The following CCDC124 variants were observed in gnomAD, a reference collection of about 807,000 sequenced individuals.
The protein encoded by CCDC124 is coiled-coil domain containing 124, also known as coiled-coil domain-containing protein 124.
Under a neutral mutation model 19.8 loss-of-function variants are expected in CCDC124, and 9 were observed. The ratio of observed to expected loss-of-function variants is 0.45; its 90% confidence interval spans 0.27 to 0.79. The LOEUF is 0.79. CCDC124 is among the 30% of genes least tolerant of loss of function. CCDC124 has a pLI of 0.14. For synonymous variants in CCDC124, 126 were observed against 131.3 expected (o/e 0.96, Z 0.27); for missense variants, 285 against 319.0 (o/e 0.89, Z 0.81).
At chr19:17,939,887 T>G (rs1020872153) in intron 2 of CCDC124, among the ~76,000 whole-genome samples, 1 of 148,466 alleles carries the variant, frequency 6.7e-6, no homozygotes, top group African/African-American at 2.5e-5. Context: ...CCTCCCAAAG[T>G]GCTGGGATTA....
rs1248535142 is a variant in CCDC124, at chr19:17,942,712, C to T, written c.216C>T (p.Arg72=). The T allele has an allele frequency of 2.6e-6, 4 of 1,553,708 alleles. No individual in the cohort carries two copies. Among genetic ancestry groups the T allele is most frequent in the South Asian group, 1.2e-5 (1 of 84,326 alleles). ...DQLERKKETQ[R]LLEEEDSKLK... Reference sequence around the variant, plus strand: ...TGGAACGTAAGAAGGAGACGCAGCGCCTACTGGAGGAGGAGGACTCCAAGC... The same window carrying T: ...TGGAACGTAAGAAGGAGACGCAGCGTCTACTGGAGGAGGAGGACTCCAAGC... The change falls in exon 3 of 5, where the codon CGC becomes CGT. Residue 72 remains arginine (R), a synonymous_variant. Transcript: ENST00000445755. This position sits in a 1 kb window ranked among gnomAD's most constrained non-coding sequence, Gnocchi z 4.2.
At chr19:17,940,559 G>A (rs571888019) in intron 2 of CCDC124, among the ~76,000 whole-genome samples, 22 of 152,160 alleles carry the variant, frequency 1.4e-4, no homozygotes, top group Non-Finnish European at 1.5e-4. Context: ...AAGGTCAGGC[G>A]TTCGAGACCA....
intron 3 of CCDC124, 25 bp from the exon 4 acceptor site, chr19:17,943,236 C>A: frequency 1.3e-6 from 1 of 745,446 alleles, no homozygotes; most frequent in South Asian, 1.5e-5. Context: ...CTCTCTCTGT[C>A]TCTGTCACCC....
At chr19:17,940,030 T>TCAGCC (rs910088300) in intron 2 of CCDC124, among the ~76,000 whole-genome samples, 4 of 151,014 alleles carry the variant, frequency 2.6e-5, no homozygotes, top group Non-Finnish European at 5.9e-5. Context: ...TTCTTTTGCT[T>TCAGCC]CAGCCTCCCA....
chr19:17,943,241 TCACC>T lies in CCDC124; in HGVS notation c.350-10_350-7del. Reference sequence around the variant, plus strand: ...CTTTGCTTATCTCTCTCTGTCTCTGTCACCCACCCACCCGCCCAGCCGAGAAAGC... The same window carrying T: ...CTTTGCTTATCTCTCTCTGTCTCTGTCACCCACCCGCCCAGCCGAGAAAGC... On this transcript the variant is annotated splice_polypyrimidine_tract_variant and intron_variant, in intron 3 of 4. Transcript: ENST00000445755. The T allele has an allele frequency of 1.5e-5, 11 of 736,446 alleles. No individual in the cohort carries two copies. The highest frequency in any genetic ancestry group is 1.9e-5 in the Non-Finnish European group (8 of 414,830). 45.6% of individuals were successfully genotyped at this position (736,446 alleles called of 1,614,324 possible). A position where few individuals can be genotyped will look rare whatever the true frequency, so the allele number is the denominator to read the frequency against.
At position 17,942,993 on chromosome 19, in the gene CCDC124, C is replaced by T; in HGVS notation, c.349+148C>T. On this transcript the variant is annotated intron_variant, in intron 3 of 4. Transcript: ENST00000445755. This position sits in a 1 kb window ranked among gnomAD's most constrained non-coding sequence, Gnocchi z 4.2. ...GTGGGTAGGCCGCCTCCTGGTAGGC[C>T]TGGCCGTGAGCAGACAACCTCAGGG... is the stretch of plus-strand genomic sequence containing the variant. The T allele has an allele frequency of 9.9e-7, 1 of 1,008,622 alleles. No individual in the cohort carries two copies. The highest frequency in any genetic ancestry group is 1.4e-6 in the Non-Finnish European group (1 of 707,400). The allele number at this position is 1,008,622 out of a possible 1,614,324, so 62.5% of individuals were successfully genotyped here.
intron 4 of CCDC124, 35 bp downstream of exon 4, chr19:17,943,410 G>A: frequency 3.2e-6 from 5 of 1,552,806 alleles, no homozygotes; most frequent in African/African-American, 1.4e-5. Flanking sequence ...TCCCAGGGGT[G>A]GAGCTGGTCA....
Position 17,942,946 on chromosome 19 carries a change from G to T in CCDC124, c.349+101G>T. On this transcript the variant is annotated intron_variant, in intron 3 of 4. Coordinates refer to ENST00000445755, the MANE Select transcript of CCDC124 (RefSeq NM_001136203.2). This position sits in a 1 kb window ranked among gnomAD's most constrained non-coding sequence, Gnocchi z 4.2. ...TCCTGGCCCCCAGAGAAGCTGCCGG[G>T]GCTCCACGTGGTGCAGGGTGGGTGG... 7.3e-7 allele frequency: 1 copy of T among 1,364,326 alleles called. No homozygotes were observed. Among genetic ancestry groups the T allele is most frequent in the South Asian group, 1.5e-5 (1 of 65,862 alleles). The allele number at this position is 1,364,326 out of a possible 1,614,324, so 84.5% of individuals were successfully genotyped here. A position where few individuals can be genotyped will look rare whatever the true frequency, so the allele number is the denominator to read the frequency against.
In CCDC124 at chr19:17,942,859, C is replaced by G; in HGVS notation, c.349+14C>G. The stretch of plus-strand genomic sequence containing the variant: ...CCCCGGACACAGGTCGGGCGGCATC[C>G]CGCTCTGGAGCTGCACTTTTGCCCA... On this transcript the variant is annotated intron_variant, in intron 3 of 4. Transcript: ENST00000445755. The surrounding 1 kb of genome is among the most constrained non-coding windows in gnomAD (Gnocchi z 4.2). The G allele has an allele frequency of 1.3e-6, 2 of 1,488,476 alleles. No homozygotes were observed. The allele number at this position is 1,488,476 out of a possible 1,614,324, so 92.2% of individuals were successfully genotyped here. A position where few individuals can be genotyped will look rare whatever the true frequency, so the allele number is the denominator to read the frequency against.
At position 17,942,249 on chromosome 19, in the gene CCDC124, T is replaced by C. The variant is rs996549583; in HGVS notation, c.160-407T>C. On this transcript the variant is annotated intron_variant, in intron 2 of 4. Coordinates refer to ENST00000445755, the MANE Select transcript of CCDC124 (RefSeq NM_001136203.2). This position sits in a 1 kb window ranked among gnomAD's most constrained non-coding sequence, Gnocchi z 4.2. ...CTCCCTGGCCCCCAGAGGCTCCGCA[T>C]GGCCCAGCCGTCTCCCTCCCGGCCT... Among the ~76,000 whole-genome samples, 5 of 151,868 alleles carry C rather than the reference T, an allele frequency of 3.3e-5. No homozygotes were observed. Among genetic ancestry groups the C allele is most frequent in the African/African-American group, 1.2e-4 (5 of 41,332 alleles).
At chr19:17,935,810 T>C (rs2031047982) in intron 1 of CCDC124, among the ~76,000 whole-genome samples, 1 of 152,258 alleles carries the variant, frequency 6.6e-6, no homozygotes, top group South Asian at 2.1e-4. Context: ...TTTGAACTCC[T>C]GACCTCAGGT....
Position 17,942,924 on chromosome 19 carries a change from T to A in CCDC124, c.349+79T>A, listed in dbSNP as rs904589536. The A allele has an allele frequency of 1.1e-5, 16 of 1,430,932 alleles. No individual in the cohort carries two copies. The highest frequency in any genetic ancestry group is 1.4e-5 in the African/African-American group (1 of 69,276). 88.6% of individuals were successfully genotyped at this position (1,430,932 alleles called of 1,614,324 possible). The stretch of plus-strand genomic sequence containing the variant: ...GACCTTGAGTCCATTAGCCCCCTCC[T>A]GGCCCCCAGAGAAGCTGCCGGGGCT... On this transcript the variant is annotated intron_variant, in intron 3 of 4. Coordinates refer to ENST00000445755, the MANE Select transcript of CCDC124 (RefSeq NM_001136203.2). The surrounding 1 kb of genome is among the most constrained non-coding windows in gnomAD (Gnocchi z 4.2).
chr19:17,943,846 C>T lies in CCDC124; in HGVS notation c.*131C>T. The T allele has an allele frequency of 2.3e-6, 2 of 858,470 alleles. No individual in the cohort carries two copies. The highest frequency in any genetic ancestry group is 1.7e-5 in the South Asian group (1 of 58,218). 53.2% of individuals were successfully genotyped at this position (858,470 alleles called of 1,614,324 possible). On this transcript the variant is annotated 3_prime_UTR_variant, in exon 5 of 5. Coordinates refer to ENST00000445755, the MANE Select transcript of CCDC124 (RefSeq NM_001136203.2). ...AGGCGCCGGGCCCCGGGGCCATGCT[C>T]TTATCACCAGCCACCCGTCCTCCCG...
At chr19:17,933,327 C>T (rs1355958736) in intron 1 of CCDC124, among the ~76,000 whole-genome samples, 1 of 152,218 alleles carries the variant, frequency 6.6e-6, no homozygotes, top group Non-Finnish European at 1.5e-5. Context: ...TGGGCGCGGA[C>T]TCCCCCGGCC....
At chr19:17,934,475 G>A (rs2031016010) in intron 1 of CCDC124, among the ~76,000 whole-genome samples, 2 of 151,988 alleles carry the variant, frequency 1.3e-5, no homozygotes, top group African/African-American at 4.8e-5. Flanking sequence ...ATGCAGTGGA[G>A]GAATATTCAG....
intron 1 of CCDC124, chr19:17,936,206 A>G: frequency 2.0e-6 from 1 of 498,862 alleles, no homozygotes. Flanking sequence ...GACCTGGCCT[A>G]AATGAGCTCA....
At position 17,943,714 on chromosome 19, in the gene CCDC124, G is replaced by A. The variant is rs1308619551; in HGVS notation, c.671G>A (p.Ter224=). ...QRAVPFNAPK[*] Reference sequence around the variant, plus strand: ...GCCGTGCCCTTCAATGCCCCCAAGTGAGCCCAGAACTTGGGGAGCCAGTTC... The same window carrying A: ...GCCGTGCCCTTCAATGCCCCCAAGTAAGCCCAGAACTTGGGGAGCCAGTTC... Residue 224 remains the stop codon, a stop_retained_variant, in exon 5 of 5, where the codon TGA becomes TAA. Transcript: ENST00000445755. 2.5e-6 allele frequency: 4 copies of A among 1,612,204 alleles called. No homozygotes were observed. Among genetic ancestry groups the A allele is most frequent in the Non-Finnish European group, 2.5e-6 (3 of 1,179,572 alleles).
chr19:17,934,343 G>A (rs1423262371), intron 1 of CCDC124, among the ~76,000 whole-genome samples: 1 of 148,718 alleles, frequency 6.7e-6, no homozygotes, highest in Non-Finnish European at 1.5e-5. Context: ...CCGAGATTGT[G>A]CCACTGCATT....
At chr19:17,936,368 C>G (rs776645895) in intron 1 of CCDC124, 42 bp from the exon 2 acceptor site, 6 of 1,519,552 alleles carry the variant, frequency 3.9e-6, no homozygotes, top group Non-Finnish European at 5.4e-6. Flanking sequence ...TGCCGATGTC[C>G]CCTCCGGCCC....
Sources: allele counts gnomAD v4.1 joint callset (sites outside exome capture counted in the v4.1 genomes callset), GRCh38; gene constraint gnomAD v4.1.1; non-coding constraint Gnocchi (gnomAD v3.1); transcripts MANE v1.5; gene names NCBI Gene and HGNC (gene_info 2026-07-23, HGNC 2026-07-21).